Variants in NKAIN2 observed in about 807,000 individuals in gnomAD.
NKAIN2 encodes the protein sodium/potassium-transporting ATPase subunit beta-1-interacting protein 2.
NKAIN2 carries 14 observed loss-of-function variants against 32.6 expected under a neutral mutation model. The ratio of observed to expected loss-of-function variants is 0.43; its 90% CI spans 0.28 to 0.67. The LOEUF (loss-of-function observed/expected upper bound fraction) is 0.67, where lower values mean the gene tolerates loss of function less well. Ranked by LOEUF, NKAIN2 falls within the 30% of genes least tolerant of loss-of-function variation. The pLI, the probability that NKAIN2 is intolerant of heterozygous loss-of-function variation, is 0.17. For synonymous variants in NKAIN2, 80 were observed against 87.2 expected, an observed-to-expected ratio of 0.92 and a Z score of 0.46; for missense variants, 198 against 258.3, an observed-to-expected ratio of 0.77 and a Z score of 1.60.
chr6:124,198,814 C>T (rs1790456127), intron 1 of NKAIN2, among the ~76,000 whole-genome samples: 1 of 152,052 alleles, frequency 6.6e-6, no homozygotes, highest in South Asian at 2.1e-4. Context: ...CCTGTATCTC[C>T]TTGTAGGGAC....
Position 123,971,752 on chromosome 6 carries a change from C to T in NKAIN2, c.54+167498C>T, listed in dbSNP as rs534873404. Among the ~76,000 whole-genome samples, 19 of 152,278 alleles carry T rather than the reference C, an allele frequency of 1.2e-4. No individual in the cohort carries two copies. In the East Asian group the frequency reaches 3.5e-3, roughly 28 times the overall value. ...CTTAGTTAGTGAAATCTAACAAGCA[C>T]CCAGACCGATAACATGTGAGTTTCC... On this transcript the variant is annotated intron_variant, in intron 1 of 6. Coordinates refer to ENST00000368417, the MANE Select transcript of NKAIN2 (RefSeq NM_001040214.3).
At chr6:123,901,004 A>T (rs547718607) in intron 1 of NKAIN2, among the ~76,000 whole-genome samples, 1 of 152,232 alleles carries the variant, frequency 6.6e-6, no homozygotes, top group East Asian at 1.9e-4. Flanking sequence ...TACACTTTTG[A>T]TTTACCCTGC....
chr6:124,346,410 A>G (rs1006954130), intron 2 of NKAIN2, among the ~76,000 whole-genome samples: 2 of 152,130 alleles, frequency 1.3e-5, no homozygotes, highest in Admixed American at 1.3e-4. Context: ...CGTCTCATTG[A>G]TCTGTCTAAT....
At chr6:124,572,155 AAT>A (rs1781151657) in intron 3 of NKAIN2, among the ~76,000 whole-genome samples, 1 of 152,200 alleles carries the variant, frequency 6.6e-6, no homozygotes, top group Non-Finnish European at 1.5e-5. Flanking sequence ...GCTGAGAGTG[AAT>A]TCATCCTTCC....
intron 4 of NKAIN2, among the ~76,000 whole-genome samples, chr6:124,775,799 A>C (rs1227005695): frequency 6.6e-6 from 1 of 152,202 alleles, no homozygotes; most frequent in East Asian, 1.9e-4. Flanking sequence ...GGACAGCTTC[A>C]GAACCCTCTT....
intron 1 of NKAIN2, among the ~76,000 whole-genome samples, chr6:124,155,379 G>A (rs142844339): frequency 5.3e-5 from 8 of 152,014 alleles, no homozygotes; most frequent in Admixed American, 3.3e-4. Context: ...TGATCTGATC[G>A]CTGTACATCA....
rs1773977955 is a variant in NKAIN2 at position 124,687,363 on chromosome 6, A to ATAC, written c.474+28977_474+28978insTAC. On this transcript the variant is annotated intron_variant, in intron 4 of 6. Coordinates refer to ENST00000368417, the MANE Select transcript of NKAIN2 (RefSeq NM_001040214.3). Reference sequence around the variant, plus strand: ...TATACATATAATATATATATTCCATACATACACATACATGGAATATATATA... The same window carrying ATAC: ...TATACATATAATATATATATTCCATATACCATACACATACATGGAATATATATA... Among the ~76,000 whole-genome samples, 15 of 125,916 alleles carry ATAC rather than the reference A, an allele frequency of 1.2e-4. No homozygotes were observed. The South Asian group carries it at 1.4e-3, about 12-fold the overall frequency. 82.6% of individuals were successfully genotyped at this position (125,916 alleles called of 152,430 possible).
chr6:124,459,445 G>C (rs1776445315), intron 3 of NKAIN2, among the ~76,000 whole-genome samples: 1 of 151,830 alleles, frequency 6.6e-6, no homozygotes, highest in African/African-American at 2.4e-5. Flanking sequence ...TTATGGATAA[G>C]TGTCATGTTA....
intron 1 of NKAIN2, among the ~76,000 whole-genome samples, chr6:124,224,365 A>G (rs1260735340): frequency 2.0e-5 from 3 of 152,174 alleles, no homozygotes; most frequent in Non-Finnish European, 4.4e-5. Flanking sequence ...ATTACTTCAA[A>G]TGAATAACAT....
At chr6:123,963,750 C>A (rs756792013) in intron 1 of NKAIN2, among the ~76,000 whole-genome samples, 2 of 152,010 alleles carry the variant, frequency 1.3e-5, no homozygotes, top group Non-Finnish European at 2.9e-5. Context: ...CAAAACAATC[C>A]GTCTGAAGTC....
At chr6:124,275,463 T>C (rs1242782219) in intron 1 of NKAIN2, among the ~76,000 whole-genome samples, 1 of 152,056 alleles carries the variant, frequency 6.6e-6, no homozygotes, top group Admixed American at 6.6e-5. Context: ...TGGAAAGCTT[T>C]ATTGTGATGA....
At chr6:123,941,656 C>G (rs912715778) in intron 1 of NKAIN2, among the ~76,000 whole-genome samples, 3 of 151,990 alleles carry the variant, frequency 2.0e-5, no homozygotes, top group Non-Finnish European at 4.4e-5. Flanking sequence ...ACAGCAGCAT[C>G]AAGCAAAACA....
intron 1 of NKAIN2, among the ~76,000 whole-genome samples, chr6:123,958,397 T>G (rs937842383): frequency 2.6e-5 from 4 of 152,238 alleles, no homozygotes; most frequent in African/African-American, 7.2e-5. Flanking sequence ...GTCACCTCTG[T>G]GCACATGGAG....
chr6:124,144,753 A>G (rs1787311063), intron 1 of NKAIN2, among the ~76,000 whole-genome samples: 1 of 152,196 alleles, frequency 6.6e-6, no homozygotes, highest in Admixed American at 6.5e-5. Context: ...CACTAAAAGC[A>G]TAATCTATGA....
intron 1 of NKAIN2, among the ~76,000 whole-genome samples, chr6:124,242,969 A>G (rs958497911): frequency 6.6e-6 from 1 of 151,730 alleles, no homozygotes; most frequent in Non-Finnish European, 1.5e-5. Context: ...GTGAACCACC[A>G]TGGCATGTGT....
intron 3 of NKAIN2, among the ~76,000 whole-genome samples, chr6:124,599,067 T>A (rs1376530122): frequency 6.6e-6 from 1 of 151,894 alleles, no homozygotes; most frequent in African/African-American, 2.4e-5. Context: ...TGTAGTTTTT[T>A]CAAAAACCGA....
At chr6:124,396,015 C>T (rs568433737) in intron 3 of NKAIN2, among the ~76,000 whole-genome samples, 2 of 152,208 alleles carry the variant, frequency 1.3e-5, no homozygotes, top group East Asian at 3.9e-4. Context: ...CATACAAAAC[C>T]TCTGCCCTCA....
At chr6:123,892,155 C>G (rs1283035927) in intron 1 of NKAIN2, among the ~76,000 whole-genome samples, 1 of 152,134 alleles carries the variant, frequency 6.6e-6, no homozygotes, top group Non-Finnish European at 1.5e-5. Flanking sequence ...CTCCATTACA[C>G]CTGAACACAG....
At position 124,527,482 on chromosome 6, in the gene NKAIN2, G is replaced by C. The variant is rs533153454; in HGVS notation, c.274-130704G>C. ...ATCATTAATATTAGAATTTGTTCTT[G>C]ACTTTAGTCTCATGTTACACACTTT... On this transcript the variant is annotated intron_variant, in intron 3 of 6. Coordinates refer to ENST00000368417, the MANE Select transcript of NKAIN2 (RefSeq NM_001040214.3). Among the ~76,000 whole-genome samples the C allele has an allele frequency of 2.0e-5, 3 of 152,196 alleles. No individual in the cohort carries two copies. In the East Asian group the frequency reaches 5.8e-4, roughly 29 times the overall value.
Sources: allele counts gnomAD v4.1 joint callset (sites outside exome capture counted in the v4.1 genomes callset), GRCh38; gene constraint gnomAD v4.1.1; transcripts MANE v1.5; gene names NCBI Gene and HGNC (gene_info 2026-07-23, HGNC 2026-07-21).